RNF212B: variants seen among roughly 807,000 people sequenced by gnomAD.
The protein encoded by RNF212B is ring finger protein 212B, also known as E3 ubiquitin-protein ligase RNF212B.
RNF212B carries 52 observed loss-of-function variants against 55.5 expected under a neutral mutation model. That is an observed-to-expected ratio of 0.94 (90% confidence interval 0.75 to 1.18). RNF212B has a LOEUF of 1.18. RNF212B is among the 50% of genes most tolerant of loss of function. RNF212B has a pLI of 0.00. For missense variants in RNF212B, 289 were observed against 350.4 expected (o/e 0.82, Z 1.40); for synonymous variants, 99 against 121.4 (o/e 0.82, Z 1.21).
intron 2 of RNF212B, among the ~76,000 whole-genome samples, chr14:23,220,622 G>C (rs553689641): frequency 6.6e-6 from 1 of 152,014 alleles, no homozygotes; most frequent in Middle Eastern, 3.4e-3. Flanking sequence ...TCAGGAGATC[G>C]AGATCACCCT....
intron 11 of RNF212B, among the ~76,000 whole-genome samples, chr14:23,268,451 A>T (rs1885846957): frequency 6.6e-6 from 1 of 152,330 alleles, no homozygotes; most frequent in South Asian, 2.1e-4. Flanking sequence ...CATTCTCCAG[A>T]TTACTACAAG....
At position 23,273,475 on chromosome 14, in the gene RNF212B, C is replaced by G. The variant is rs1390043921; in HGVS notation, c.*584C>G. 2 of 152,240 alleles carry G rather than the reference C, an allele frequency of 1.3e-5. No individual in the cohort carries two copies. The highest frequency in any genetic ancestry group is 6.5e-5 in the Admixed American group (1 of 15,280). The allele number at this position is 152,240 out of a possible 1,614,324, so 9.4% of individuals were successfully genotyped here. On this transcript the variant is annotated 3_prime_UTR_variant, in exon 15 of 15. Coordinates refer to ENST00000430154, the MANE Select transcript of RNF212B (RefSeq NM_001282322.3). ...TAAAGACGATGCCCTTTTATTGCTA[C>G]AATTCTATCACTTTTACAAGCTCTA... is the stretch of plus-strand genomic sequence containing the variant.
At chr14:23,225,731 A>T (rs1881944297) in intron 2 of RNF212B, among the ~76,000 whole-genome samples, 1 of 152,082 alleles carries the variant, frequency 6.6e-6, no homozygotes, top group Non-Finnish European at 1.5e-5. Context: ...AATAAATAAG[A>T]CCTAGTATTT....
chr14:23,232,297 C>T (rs1198630368), intron 2 of RNF212B, among the ~76,000 whole-genome samples: 2 of 151,880 alleles, frequency 1.3e-5, no homozygotes, highest in African/African-American at 2.4e-5. Flanking sequence ...CGGCCGCAAC[C>T]CCATCTGGGA....
At chr14:23,207,470 A>G (rs1879961796) in intron 2 of RNF212B, among the ~76,000 whole-genome samples, 1 of 152,220 alleles carries the variant, frequency 6.6e-6, no homozygotes, top group Admixed American at 6.5e-5. Flanking sequence ...ACAAAAAACA[A>G]AAAGAAGAGT....
At chr14:23,201,326 A>G (rs951360019) in intron 2 of RNF212B, among the ~76,000 whole-genome samples, 8 of 152,230 alleles carry the variant, frequency 5.3e-5, no homozygotes, top group African/African-American at 1.9e-4. Flanking sequence ...GTGGATGACA[A>G]AAAGTTTTAG....
intron 1 of RNF212B, among the ~76,000 whole-genome samples, chr14:23,187,162 T>C (rs1241234967): frequency 2.6e-5 from 4 of 152,196 alleles, no homozygotes; most frequent in Admixed American, 6.5e-5. Context: ...CAGAAGAAAT[T>C]GATCCCTTTA....
intron 4 of RNF212B, among the ~76,000 whole-genome samples, chr14:23,250,143 C>T (rs897572162): frequency 1.3e-5 from 2 of 152,158 alleles, no homozygotes; most frequent in Non-Finnish European, 2.9e-5. Flanking sequence ...AGACCATATA[C>T]TTTCATACCT....
At chr14:23,211,901 T>C (rs1374960424) in intron 2 of RNF212B, among the ~76,000 whole-genome samples, 2 of 152,168 alleles carry the variant, frequency 1.3e-5, no homozygotes, top group East Asian at 3.9e-4. Flanking sequence ...TTTTTTGTAC[T>C]ATTTTTAGTA....
chr14:23,196,629 A>G lies in RNF212B; in HGVS notation c.-2+3228A>G, dbSNP rs368443713. Among the ~76,000 whole-genome samples the G allele has an allele frequency of 1.1e-4, 17 of 152,078 alleles. No individual in the cohort carries two copies. In the East Asian group the frequency reaches 2.5e-3, roughly 23 times the overall value. Reference sequence around the variant, plus strand: ...TAATTTTTAAAATATTTTTATAGAGATGGGGTCTTGCTATGTTGCCCAGGC... The same window carrying G: ...TAATTTTTAAAATATTTTTATAGAGGTGGGGTCTTGCTATGTTGCCCAGGC... On this transcript the variant is annotated intron_variant, in intron 2 of 15. Transcript: ENST00000399910.
intron 11 of RNF212B, 61 bp from the exon 12 acceptor site, chr14:23,268,863 A>T: frequency 7.2e-7 from 1 of 1,393,800 alleles, no homozygotes; most frequent in Non-Finnish European, 1.0e-6. Context: ...GGCCCCAAGT[A>T]TACCTGAATC....
chr14:23,254,430 G>A (rs1013300042), intron 4 of RNF212B, among the ~76,000 whole-genome samples: 1 of 151,832 alleles, frequency 6.6e-6, no homozygotes, highest in Non-Finnish European at 1.5e-5. Flanking sequence ...GACCAGCTTG[G>A]GCAACATAGC....
Position 23,268,968 on chromosome 14 carries a change from G to C in RNF212B, c.674+5G>C. The stretch of plus-strand genomic sequence containing the variant: ...AACTCATAGCCTATCTTATAGGTCA[G>C]TAACACTATGCTTCCTTTTTCTTGG... On this transcript the variant is annotated splice_donor_5th_base_variant and intron_variant, in intron 12 of 14. Transcript: ENST00000430154. The C allele has an allele frequency of 1.8e-5, 28 of 1,548,696 alleles. No individual in the cohort carries two copies. Among genetic ancestry groups the C allele is most frequent in the Non-Finnish European group, 2.4e-5 (27 of 1,145,096 alleles).
chr14:23,240,316 T>G lies in RNF212B; in HGVS notation c.-1-29T>G, dbSNP rs770403186. 2.8e-6 allele frequency: 4 copies of G among 1,407,382 alleles called. No homozygotes were observed. The South Asian group carries it at 5.0e-5, about 17-fold the overall frequency. The allele number at this position is 1,407,382 out of a possible 1,614,324, so 87.2% of individuals were successfully genotyped here. ...TATAATTATGTTATTCTCTAGGTTA[T>G]TCTTACTCTTTCTCTTTATCTGCTC... is the stretch of plus-strand genomic sequence containing the variant. On this transcript the variant is annotated intron_variant, in intron 1 of 14. Coordinates refer to ENST00000430154, the MANE Select transcript of RNF212B (RefSeq NM_001282322.3).
chr14:23,266,099 C>A (rs1390659791), intron 11 of RNF212B, among the ~76,000 whole-genome samples: 1 of 151,990 alleles, frequency 6.6e-6, no homozygotes, highest in African/African-American at 2.4e-5. Flanking sequence ...GCTGGGACTA[C>A]AGGCACGTGC....
intron 4 of RNF212B, among the ~76,000 whole-genome samples, chr14:23,246,973 T>C (rs1478091835): frequency 3.9e-5 from 6 of 152,068 alleles, no homozygotes; most frequent in Admixed American, 2.0e-4. Flanking sequence ...AAACCCCGTC[T>C]CTACTAAAAA....
intron 4 of RNF212B, among the ~76,000 whole-genome samples, chr14:23,244,887 G>C (rs1002433799): frequency 6.6e-6 from 1 of 152,122 alleles, no homozygotes; most frequent in African/African-American, 2.4e-5. Flanking sequence ...ATAACTGGTT[G>C]CTTGAATTTT....
intron 1 of RNF212B, chr14:23,188,086 G>A (rs1010817693): frequency 6.6e-6 from 1 of 152,234 alleles, no homozygotes; most frequent in Non-Finnish European, 1.5e-5. Flanking sequence ...GTCTTCTAGG[G>A]TTTATGCAGT....
chr14:23,223,651 G>A (rs571823618), intron 2 of RNF212B, among the ~76,000 whole-genome samples: 9 of 152,236 alleles, frequency 5.9e-5, no homozygotes, highest in African/African-American at 1.4e-4. Flanking sequence ...CACCGCGCCC[G>A]GCCAAGCCTT....
Sources: gnomAD v4.1 joint callset for allele counts (sites outside exome capture counted in the v4.1 genomes callset) on GRCh38, gnomAD v4.1.1 for gene constraint, MANE v1.5 for transcripts, NCBI Gene and HGNC (gene_info 2026-07-23, HGNC 2026-07-21) for gene names.